TUSC3: variants seen among roughly 807,000 people sequenced by gnomAD.
The protein encoded by TUSC3 is tumor suppressor candidate 3, also known as dolichyl-diphosphooligosaccharide--protein glycosyltransferase subunit TUSC3.
A neutral mutation model predicts 44.8 loss-of-function variants in TUSC3; 45 were observed. The ratio of observed to expected loss-of-function variants is 1.00; its 90% confidence interval spans 0.79 to 1.29. The LOEUF is 1.29. TUSC3 is among the 50% of genes most tolerant of loss of function. TUSC3 has a pLI of 0.00. For missense variants in TUSC3, 519 were observed against 437.9 expected (o/e 1.19, Z -1.65); for synonymous variants, 212 against 152.9 (o/e 1.39, Z -2.85).
chr8:15,775,663 CAT>C, the TUSC3 span, among the ~76,000 whole-genome samples: 1 of 145,222 alleles, frequency 6.9e-6, no homozygotes, highest in East Asian at 2.0e-4. Context: ...CACACATATA[CAT>C]ATATACACAC....
the TUSC3 span, among the ~76,000 whole-genome samples, chr8:15,815,341 G>C: frequency 6.6e-6 from 1 of 152,072 alleles, no homozygotes; most frequent in African/African-American, 2.4e-5. Flanking sequence ...AAAGATAGTA[G>C]GAAATCAGCA....
intron 5 of TUSC3, 52 bp from the exon 6 acceptor site, chr8:15,673,695 T>C: frequency 7.4e-7 from 1 of 1,360,070 alleles, no homozygotes; most frequent in Non-Finnish European, 1.1e-6. Flanking sequence ...AGAAATGCAT[T>C]ATTCTGGTAT....
At chr8:15,849,811 A>C in the TUSC3 span, among the ~76,000 whole-genome samples, 1 of 22,456 alleles carries the variant, frequency 4.5e-5, no homozygotes, top group Non-Finnish European at 2.4e-4. Context: ...GAAGCCTACA[A>C]AAAAAAAAAG....
chr8:15,769,186 G>C (rs1812399641), downstream of TUSC3, among the ~76,000 whole-genome samples: 1 of 152,086 alleles, frequency 6.6e-6, no homozygotes, highest in East Asian at 1.9e-4. Flanking sequence ...ATACTACAAA[G>C]CTACAGTAAC....
intron 1 of TUSC3, among the ~76,000 whole-genome samples, chr8:15,562,347 T>G (rs1802508239): frequency 6.6e-6 from 1 of 152,144 alleles, no homozygotes; most frequent in South Asian, 2.1e-4. Flanking sequence ...AATTTATCTT[T>G]CCATCCGTCT....
chr8:15,524,104 T>C (rs1801341046), intron 2 of TUSC3, among the ~76,000 whole-genome samples: 1 of 151,800 alleles, frequency 6.6e-6, no homozygotes, highest in South Asian at 2.1e-4. Flanking sequence ...TTGCATTTGA[T>C]TTAGATGCAT....
chr8:15,804,202 C>A, the TUSC3 span, among the ~76,000 whole-genome samples: 3 of 152,182 alleles, frequency 2.0e-5, no homozygotes, highest in Non-Finnish European at 4.4e-5. Context: ...CACATCCTCT[C>A]CAGCATCTGT....
chr8:15,582,271 G>T (rs1246107195), intron 1 of TUSC3, among the ~76,000 whole-genome samples: 1 of 152,174 alleles, frequency 6.6e-6, no homozygotes. Flanking sequence ...CCCGTCTTCT[G>T]GGTCGCTCAC....
chr8:15,806,801 A>C, the TUSC3 span: 17 of 849,338 alleles, frequency 2.0e-5, no homozygotes, highest in Non-Finnish European at 2.7e-5. Flanking sequence ...CGGATTTGCA[A>C]TTTGTGAAGA....
At chr8:15,638,507 CTTTTTTTCTTTTTTTTTTTTT>C (rs1437057680) in intron 2 of TUSC3, among the ~76,000 whole-genome samples, 2 of 112,678 alleles carry the variant, frequency 1.8e-5, no homozygotes, top group Non-Finnish European at 3.6e-5. Flanking sequence ...CTTTTTTTTT[CTTTTTTTCTTTTTTTTTTTTT>C]TTTTTTTTTT....
At chr8:15,752,691 G>T (rs1811758508) in intron 9 of TUSC3, among the ~76,000 whole-genome samples, 1 of 152,008 alleles carries the variant, frequency 6.6e-6, no homozygotes, top group Non-Finnish European at 1.5e-5. Flanking sequence ...TGTCTCTCCT[G>T]TGCCATGTTT....
intron 1 of TUSC3, among the ~76,000 whole-genome samples, chr8:15,444,964 A>G (rs1056679710): frequency 7.9e-5 from 12 of 152,184 alleles, no homozygotes; most frequent in Non-Finnish European, 1.2e-4. Context: ...CAGATGCAGG[A>G]GAAGGACAAG....
intron 1 of TUSC3, among the ~76,000 whole-genome samples, chr8:15,593,333 G>A (rs58877012): frequency 0.036 from 5,444 of 152,128 alleles, 107 homozygotes; most frequent in African/African-American, 0.058. Flanking sequence ...TGATCCGCCC[G>A]CTTCGGCCTC....
chr8:15,457,186 A>G (rs1391481060), intron 1 of TUSC3, among the ~76,000 whole-genome samples: 19 of 78,518 alleles, frequency 2.4e-4, no homozygotes, highest in Non-Finnish European at 4.1e-4. Flanking sequence ...GGGAGGGGGG[A>G]GGGTTAGCAT....
At chr8:15,702,358 A>T (rs961212936) in intron 6 of TUSC3, among the ~76,000 whole-genome samples, 1 of 152,172 alleles carries the variant, frequency 6.6e-6, no homozygotes, top group Non-Finnish European at 1.5e-5. Flanking sequence ...GAGACAGCCA[A>T]TTTTAGCTTT....
intron 1 of TUSC3, among the ~76,000 whole-genome samples, chr8:15,615,133 C>T (rs573538129): frequency 1.3e-5 from 2 of 152,232 alleles, no homozygotes; most frequent in South Asian, 4.1e-4. Flanking sequence ...GAAAGGAAAT[C>T]AGTGTATCAA....
At chr8:15,669,143 T>A (rs961022478) in intron 5 of TUSC3, among the ~76,000 whole-genome samples, 1 of 151,722 alleles carries the variant, frequency 6.6e-6, no homozygotes, top group African/African-American at 2.4e-5. Context: ...TGATAACACA[T>A]CACTATTAAG....
chr8:15,696,675 G>C lies in TUSC3; in HGVS notation c.798+22839G>C, dbSNP rs138370805. Among the ~76,000 whole-genome samples, 385 of 152,322 alleles carry C rather than the reference G, an allele frequency of 2.5e-3. 2 individuals carry two copies. The highest frequency in any genetic ancestry group is 8.3e-3 in the African/African-American group (345 of 41,578). ...TTCAGGTGGATTATCTGTTTGATAC[G>C]TTGTTGGGTTCAGTTAGCTAGCATC... is the stretch of plus-strand genomic sequence containing the variant. On this transcript the variant is annotated intron_variant, in intron 6 of 10. Coordinates refer to ENST00000503731, the MANE Select transcript of TUSC3 (RefSeq NM_006765.4).
At chr8:15,468,629 C>T (rs1011923654) in intron 1 of TUSC3, among the ~76,000 whole-genome samples, 3 of 152,096 alleles carry the variant, frequency 2.0e-5, no homozygotes, top group Non-Finnish European at 4.4e-5. Flanking sequence ...TAGTAATAAT[C>T]ATCTTGGTTT....
Sources: allele counts gnomAD v4.1 joint callset (sites outside exome capture counted in the v4.1 genomes callset), GRCh38; gene constraint gnomAD v4.1.1; transcripts MANE v1.5; gene names NCBI Gene and HGNC (gene_info 2026-07-23, HGNC 2026-07-21).